The following GLIS3 variants were observed in gnomAD, a reference collection of about 807,000 sequenced individuals.
The protein encoded by GLIS3 is zinc finger protein GLIS3.
In GLIS3, 53 loss-of-function variants were observed where a neutral mutation model predicts 78.6. The ratio of observed to expected loss-of-function variants is 0.67; its 90% CI spans 0.54 to 0.85. The LOEUF is 0.85. Among genes scored for constraint, GLIS3 ranks in the 40% least tolerant of loss-of-function variants. The pLI, the probability that GLIS3 is intolerant of heterozygous loss-of-function variation, is 0.00. For synonymous variants in GLIS3, 684 were observed against 509.9 expected, an observed-to-expected ratio of 1.34 and a Z score of -4.60; for missense variants, 1,703 against 1,231.1, an observed-to-expected ratio of 1.38 and a Z score of -5.74.
intron 2 of GLIS3, among the ~76,000 whole-genome samples, chr9:4,236,946 C>T (rs187513791): frequency 5.3e-5 from 8 of 152,158 alleles, no homozygotes; most frequent in Admixed American, 6.5e-5. Flanking sequence ...GGCTCAGCAT[C>T]GTCTCAGGTG....
At chr9:3,990,954 C>G (rs777027761) in intron 4 of GLIS3, among the ~76,000 whole-genome samples, 14 of 152,094 alleles carry the variant, frequency 9.2e-5, no homozygotes, top group Admixed American at 2.6e-4. Context: ...TACGGAATGT[C>G]TAAGTGAAGC....
chr9:4,308,141 C>A (rs1237225943), intron 4 of GLIS3, among the ~76,000 whole-genome samples: 3 of 152,130 alleles, frequency 2.0e-5, no homozygotes, highest in African/African-American at 7.2e-5. Flanking sequence ...TCTCCAGGAG[C>A]ATTGTGGCTT....
intron 8 of GLIS3, among the ~76,000 whole-genome samples, chr9:3,871,915 G>A (rs1404068645): frequency 6.6e-6 from 1 of 152,216 alleles, no homozygotes; most frequent in African/African-American, 2.4e-5. Flanking sequence ...TTGCCAGGCT[G>A]CAAATTTTTC....
chr9:3,851,377 C>A (rs758730777), intron 9 of GLIS3, among the ~76,000 whole-genome samples: 1 of 152,144 alleles, frequency 6.6e-6, no homozygotes, highest in Non-Finnish European at 1.5e-5. Context: ...TAAGAAGTTG[C>A]CTTGGAGATC....
intron 9 of GLIS3, among the ~76,000 whole-genome samples, chr9:3,830,725 T>C (rs1817997858): frequency 6.6e-6 from 1 of 152,216 alleles, no homozygotes; most frequent in Non-Finnish European, 1.5e-5. Flanking sequence ...CTTCCTCTAC[T>C]AGAACTGCCT....
At chr9:4,405,574 G>A in the GLIS3 span, among the ~76,000 whole-genome samples, 8 of 151,960 alleles carry the variant, frequency 5.3e-5, no homozygotes, top group Non-Finnish European at 1.2e-4. Flanking sequence ...CAATATTGAG[G>A]CTGTAATAAA....
At chr9:4,488,352 C>A in the GLIS3 span, among the ~76,000 whole-genome samples, 1 of 152,094 alleles carries the variant, frequency 6.6e-6, no homozygotes, top group African/African-American at 2.4e-5. Context: ...ATAACATGTG[C>A]CATCCCATGC....
At chr9:4,154,260 TTGACA>T (rs1443381030) in intron 2 of GLIS3, among the ~76,000 whole-genome samples, 2 of 152,170 alleles carry the variant, frequency 1.3e-5, no homozygotes, top group Non-Finnish European at 2.9e-5. Context: ...ACTCCATCTC[TTGACA>T]TAAGAGTGGG....
intron 4 of GLIS3, among the ~76,000 whole-genome samples, chr9:3,988,238 G>C (rs1002242889): frequency 6.6e-6 from 1 of 152,028 alleles, no homozygotes; most frequent in African/African-American, 2.4e-5. Flanking sequence ...TGAAGAAAAA[G>C]ACTCTGTCAC....
the GLIS3 span, among the ~76,000 whole-genome samples, chr9:4,367,260 G>C: frequency 6.6e-6 from 1 of 152,128 alleles, no homozygotes; most frequent in Non-Finnish European, 1.5e-5. Context: ...CTTTACATTT[G>C]TTGAACTCTC....
the GLIS3 span, among the ~76,000 whole-genome samples, chr9:4,410,435 A>G: frequency 6.6e-6 from 1 of 152,214 alleles, no homozygotes; most frequent in Non-Finnish European, 1.5e-5. Flanking sequence ...TAAATTATGA[A>G]AGTAAAATAT....
Position 4,009,015 on chromosome 9 carries a change from G to A in GLIS3, c.1711-71826C>T, listed in dbSNP as rs376555069. On this transcript the variant is annotated intron_variant, in intron 4 of 10. Coordinates refer to ENST00000381971, the MANE Select transcript of GLIS3 (RefSeq NM_001042413.2). ...CATGAGAGAGATGCATTCCTGAACC[G>A]GAGCCACACATGCAACTCATCCACT... is the stretch of plus-strand genomic sequence containing the variant. Among the ~76,000 whole-genome samples the A allele has an allele frequency of 1.9e-4, 29 of 152,196 alleles. No individual in the cohort carries two copies. The East Asian group carries it at 2.3e-3, about 12-fold the overall frequency.
the GLIS3 span, among the ~76,000 whole-genome samples, chr9:4,398,140 A>G: frequency 6.6e-6 from 1 of 151,994 alleles, no homozygotes; most frequent in Non-Finnish European, 1.5e-5. Flanking sequence ...CTCAATCCCA[A>G]GTGATTTATC....
intron 4 of GLIS3, among the ~76,000 whole-genome samples, chr9:4,012,347 A>C (rs867290108): frequency 6.6e-6 from 1 of 152,138 alleles, no homozygotes; most frequent in African/African-American, 2.4e-5. Flanking sequence ...GTCAATGTAC[A>C]TTTTGAAGAA....
intron 4 of GLIS3, among the ~76,000 whole-genome samples, chr9:3,949,926 C>G (rs186958081): frequency 3.8e-4 from 58 of 152,284 alleles, no homozygotes; most frequent in Non-Finnish European, 8.1e-4. Flanking sequence ...TGGCCTAGAC[C>G]TCTCCTCTGA....
chr9:4,066,039 T>TAAA (rs398046406), intron 4 of GLIS3, among the ~76,000 whole-genome samples: 30,315 of 132,816 alleles, frequency 0.23, 3,986 homozygotes, highest in Middle Eastern at 0.37. Context: ...CCAAAGAATA[T>TAAA]AAAAAAAAAA....
At chr9:4,314,183 A>G (rs1419385867) in intron 2 of GLIS3, among the ~76,000 whole-genome samples, 2 of 152,224 alleles carry the variant, frequency 1.3e-5, no homozygotes, top group African/African-American at 4.8e-5. Context: ...GTGAATTAAT[A>G]TTTATAAAAT....
chr9:4,102,580 C>T (rs1212493092), intron 4 of GLIS3, among the ~76,000 whole-genome samples: 1 of 152,156 alleles, frequency 6.6e-6, no homozygotes, highest in African/African-American at 2.4e-5. Flanking sequence ...AGCTAAACAA[C>T]CGACAATATC....
At chr9:4,086,239 T>G (rs1050345234) in intron 4 of GLIS3, among the ~76,000 whole-genome samples, 3 of 152,208 alleles carry the variant, frequency 2.0e-5, no homozygotes, top group Non-Finnish European at 4.4e-5. Flanking sequence ...CTCAGTCTAG[T>G]GAAATCCTCA....
Sources: gnomAD v4.1 joint callset for allele counts (sites outside exome capture counted in the v4.1 genomes callset) on GRCh38, gnomAD v4.1.1 for gene constraint, MANE v1.5 for transcripts, NCBI Gene and HGNC (gene_info 2026-07-23, HGNC 2026-07-21) for gene names.